PTPRZ1: variants seen among roughly 807,000 people sequenced by gnomAD.
PTPRZ1 encodes protein tyrosine phosphatase receptor type Z1.
A neutral mutation model predicts 214.1 loss-of-function variants in PTPRZ1; 82 were observed. That is an observed-to-expected ratio of 0.38 (90% CI 0.32 to 0.46). PTPRZ1 has a LOEUF of 0.46. Among genes scored for constraint, PTPRZ1 ranks in the 20% least tolerant of loss-of-function variants. The pLI is 1.00. For missense variants in PTPRZ1, 2,603 were observed against 2,748.7 expected (o/e 0.95, Z 1.19); for synonymous variants, 945 against 987.9 (o/e 0.96, Z 0.81).
At chr7:121,994,665 T>G (rs1162650580) in intron 8 of PTPRZ1, among the ~76,000 whole-genome samples, 1 of 152,176 alleles carries the variant, frequency 6.6e-6, no homozygotes, top group Non-Finnish European at 1.5e-5. Context: ...TTGGGATTCA[T>G]TAGAAGCAAG....
At chr7:121,994,617 A>G (rs1459576781) in intron 8 of PTPRZ1, among the ~76,000 whole-genome samples, 2 of 152,166 alleles carry the variant, frequency 1.3e-5, no homozygotes, top group African/African-American at 4.8e-5. Flanking sequence ...TACAAATGAT[A>G]TTGTCCAGAG....
chr7:122,049,699 T>C (rs1367892438), intron 23 of PTPRZ1, among the ~76,000 whole-genome samples: 1 of 152,128 alleles, frequency 6.6e-6, no homozygotes, highest in Non-Finnish European at 1.5e-5. Flanking sequence ...TATTAAGATA[T>C]TGCTTCTCCT....
intron 1 of PTPRZ1, among the ~76,000 whole-genome samples, chr7:121,922,514 G>A (rs776618241): frequency 2.5e-4 from 38 of 152,156 alleles, no homozygotes; most frequent in Non-Finnish European, 2.1e-4. Flanking sequence ...TGCAGAGGTT[G>A]CAGTAAGCCA....
intron 26 of PTPRZ1, 51 bp from the exon 27 acceptor site, chr7:122,054,890 A>G (rs1314325108): frequency 6.7e-7 from 1 of 1,493,102 alleles, no homozygotes; most frequent in South Asian, 1.3e-5. Flanking sequence ...AATCTGACTT[A>G]TTGGTCATTT....
At chr7:121,920,562 G>A (rs568359493) in intron 1 of PTPRZ1, among the ~76,000 whole-genome samples, 6 of 152,068 alleles carry the variant, frequency 3.9e-5, no homozygotes, top group East Asian at 1.9e-4. Context: ...CTCTTATGAT[G>A]GAACAAATTC....
At chr7:121,898,081 C>A (rs1794852088) in intron 1 of PTPRZ1, among the ~76,000 whole-genome samples, 1 of 151,810 alleles carries the variant, frequency 6.6e-6, no homozygotes, top group Admixed American at 6.6e-5. Context: ...ACTACAGTAG[C>A]AGAAAATGAT....
At chr7:121,960,997 T>C (rs956420675) in intron 2 of PTPRZ1, among the ~76,000 whole-genome samples, 6 of 152,288 alleles carry the variant, frequency 3.9e-5, no homozygotes, top group African/African-American at 1.4e-4. Context: ...TGCCAGGCTC[T>C]AAGAAAGGTA....
In PTPRZ1 at chr7:122,036,513, T is replaced by A. The variant is rs909018084; in HGVS notation, c.5285-87T>A. ...ATTGCTTGTGTTGATTTTAATTGAA[T>A]GAAATAAATTATTATGCAAATATGA... On this transcript the variant is annotated intron_variant, in intron 17 of 29. Coordinates refer to ENST00000393386, the MANE Select transcript of PTPRZ1 (RefSeq NM_002851.3). 4 of 905,394 alleles carry A rather than the reference T, an allele frequency of 4.4e-6. No homozygotes were observed. In the East Asian group the frequency reaches 1.1e-4, roughly 24 times the overall value. The allele number at this position is 905,394 out of a possible 1,614,324, so 56.1% of individuals were successfully genotyped here.
chr7:122,041,821 A>G (rs1301944474), intron 21 of PTPRZ1, among the ~76,000 whole-genome samples: 1 of 152,190 alleles, frequency 6.6e-6, no homozygotes, highest in South Asian at 2.1e-4. Context: ...AATTTGAGAG[A>G]CCCATCTTGA....
At chr7:122,057,645 C>CTTTTTTTTTTTTTTGTTTTTT (rs1792401455) in intron 27 of PTPRZ1, among the ~76,000 whole-genome samples, 1 of 128,174 alleles carries the variant, frequency 7.8e-6, no homozygotes, top group Non-Finnish European at 1.7e-5. Flanking sequence ...CTTTGTGATT[C>CTTTTTTTTTTTTTTGTTTTTT]TTTTTTTTTT....
chr7:121,978,101 A>C (rs1160456385), intron 6 of PTPRZ1, among the ~76,000 whole-genome samples: 3 of 152,166 alleles, frequency 2.0e-5, no homozygotes, highest in Non-Finnish European at 4.4e-5. Context: ...AAACTTGCTC[A>C]TGTTCTTTAA....
chr7:122,060,037 A>G, intron 29 of PTPRZ1, 149 bp downstream of exon 29: 1 of 770,278 alleles, frequency 1.3e-6, no homozygotes. Context: ...TCCACAATCC[A>G]TAGAACAACA....
At chr7:122,058,688 T>A in intron 27 of PTPRZ1, 112 bp from the exon 28 acceptor site, 1 of 832,988 alleles carries the variant, frequency 1.2e-6, no homozygotes, top group South Asian at 1.9e-5. Context: ...TGCTGCTCAC[T>A]CATGCCTGCC....
intron 8 of PTPRZ1, among the ~76,000 whole-genome samples, chr7:121,993,572 C>CAAAAAAAAAAAAA (rs66916301): frequency 3.3e-4 from 24 of 73,578 alleles, no homozygotes; most frequent in East Asian, 7.7e-4. Context: ...GAGACTGTCT[C>CAAAAAAAAAAAAA]AAAAAAAAAA....
intron 1 of PTPRZ1, among the ~76,000 whole-genome samples, chr7:121,898,006 T>A (rs1476467699): frequency 6.6e-6 from 1 of 152,078 alleles, no homozygotes; most frequent in Non-Finnish European, 1.5e-5. Context: ...AACTTTGCCC[T>A]CAGGAAGGAG....
At chr7:122,026,247 G>A (rs985116924) in intron 13 of PTPRZ1, among the ~76,000 whole-genome samples, 3 of 152,172 alleles carry the variant, frequency 2.0e-5, no homozygotes, top group African/African-American at 7.2e-5. Flanking sequence ...ATAGGTTAGA[G>A]ATGCTGTTGA....
At chr7:121,949,572 G>C (rs1269830904) in intron 2 of PTPRZ1, among the ~76,000 whole-genome samples, 1 of 152,176 alleles carries the variant, frequency 6.6e-6, no homozygotes, top group Non-Finnish European at 1.5e-5. Flanking sequence ...AAGGCCCCTT[G>C]ATTGGTAGAA....
At chr7:122,027,150 A>T (rs1799226872) in intron 13 of PTPRZ1, among the ~76,000 whole-genome samples, 2 of 152,212 alleles carry the variant, frequency 1.3e-5, no homozygotes, top group African/African-American at 4.8e-5. Context: ...ACTCAGAGGG[A>T]GCGGCATTTG....
intron 2 of PTPRZ1, among the ~76,000 whole-genome samples, chr7:121,948,616 A>C (rs1253502196): frequency 2.6e-5 from 4 of 152,216 alleles, no homozygotes; most frequent in Admixed American, 6.5e-5. Context: ...AGGCAAGGGC[A>C]GGGAAAGTGC....
Sources: gnomAD v4.1 joint callset for allele counts (sites outside exome capture counted in the v4.1 genomes callset) on GRCh38, gnomAD v4.1.1 for gene constraint, MANE v1.5 for transcripts, NCBI Gene and HGNC (gene_info 2026-07-23, HGNC 2026-07-21) for gene names.